ALG5: variants seen among roughly 807,000 people sequenced by gnomAD.
ALG5 encodes the protein ALG5 dolichyl-phosphate beta-glucosyltransferase.
Under a neutral mutation model 51.8 loss-of-function variants are expected in ALG5, and 26 were observed. The ratio of observed to expected loss-of-function variants is 0.50; its 90% CI spans 0.37 to 0.70. ALG5 has a LOEUF of 0.70. ALG5 is among the 30% of genes least tolerant of loss of function. The pLI, the probability that ALG5 is intolerant of heterozygous loss-of-function variation, is 0.00. For missense variants in ALG5, 311 were observed against 399.3 expected, an observed-to-expected ratio of 0.78 and a Z score of 1.88; for synonymous variants, 141 against 136.1, an observed-to-expected ratio of 1.04 and a Z score of -0.25.
intron 8 of ALG5, among the ~76,000 whole-genome samples, chr13:36,964,187 A>G (rs1367760533): frequency 1.3e-5 from 2 of 152,136 alleles, no homozygotes; most frequent in Non-Finnish European, 2.9e-5. Context: ...GGAAGATCTG[A>G]AGGAGAAGGT....
At chr13:36,995,997 T>C (rs2059048369) in intron 1 of ALG5, among the ~76,000 whole-genome samples, 2 of 152,256 alleles carry the variant, frequency 1.3e-5, no homozygotes, top group South Asian at 4.1e-4. Context: ...CTATCGCTAC[T>C]TGGAATCTAT....
rs371725601 is a variant in ALG5, at chr13:36,992,725, C to T, written c.354+879G>A. Among the ~76,000 whole-genome samples, 30 of 152,294 alleles carry T rather than the reference C, an allele frequency of 2.0e-4. No homozygotes were observed. In the East Asian group the frequency reaches 2.3e-3, roughly 12 times the overall value. ...TACCTTGTGCCCCCTTGGTCTGAAA[C>T]GCCTCAAGAACAAGAGCCGTATCTA... On this transcript the variant is annotated intron_variant, in intron 4 of 9. Transcript: ENST00000239891.
chr13:36,994,847 A>G, intron 3 of ALG5, 142 bp downstream of exon 3: 1 of 684,954 alleles, frequency 1.5e-6, no homozygotes. Flanking sequence ...GCTTATGGAT[A>G]GCAACAAGCA....
chr13:36,977,021 T>C (rs1361006119), intron 6 of ALG5, among the ~76,000 whole-genome samples: 1 of 152,218 alleles, frequency 6.6e-6, no homozygotes, highest in East Asian at 1.9e-4. Flanking sequence ...GTAATTTAAC[T>C]AAAAACAAAT....
intron 6 of ALG5, among the ~76,000 whole-genome samples, chr13:36,977,010 T>C (rs777466217): frequency 6.6e-6 from 1 of 152,194 alleles, no homozygotes; most frequent in Admixed American, 6.5e-5. Flanking sequence ...TAAAATACCA[T>C]GTAATTTAAC....
chr13:36,968,318 G>A (rs1209201544), intron 7 of ALG5, among the ~76,000 whole-genome samples: 2 of 152,134 alleles, frequency 1.3e-5, no homozygotes, highest in Non-Finnish European at 2.9e-5. Flanking sequence ...ATGTAAACAA[G>A]AAATTAATTC....
chr13:36,950,097 A>C (rs763684684), intron 9 of ALG5, 40 bp from the exon 10 acceptor site: 1 of 1,293,400 alleles, frequency 7.7e-7, no homozygotes, highest in South Asian at 1.2e-5. Context: ...TAGCTTAAAT[A>C]AACTCAGCAG....
chr13:36,965,503 G>C, intron 8 of ALG5, 72 bp downstream of exon 8: 1 of 1,418,300 alleles, frequency 7.1e-7, no homozygotes, highest in South Asian at 1.3e-5. Flanking sequence ...TAAATATACA[G>C]GGCTGTTTCT....
rs746649079 is a variant in ALG5 at position 36,999,291 on chromosome 13, G to T, written c.10C>A (p.Leu4Ile). 4 of 1,577,746 alleles carry T rather than the reference G, an allele frequency of 2.5e-6. No homozygotes were observed. The African/African-American group carries it at 5.6e-5, about 22-fold the overall frequency. Residue 4 changes from leucine to isoleucine, a missense_variant, in exon 1 of 10, where the codon CTT becomes ATT. Leu to Ile is a conservative substitution (Grantham distance 5). Transcript: ENST00000239891. The part of the protein sequence containing the change: MAP[L>I]LLQLAVLGAA... ...CCGAGCACCGCCAGCTGCAACAGAAGCGGAGCCATTCTCCATGCCGTGGCA... is the reference window on the plus strand; with the variant it reads ...CCGAGCACCGCCAGCTGCAACAGAATCGGAGCCATTCTCCATGCCGTGGCA...
intron 3 of ALG5, among the ~76,000 whole-genome samples, 195 bp downstream of exon 3, chr13:36,994,794 T>TG (rs1192025983): frequency 6.6e-6 from 1 of 151,984 alleles, no homozygotes; most frequent in African/African-American, 2.4e-5. Context: ...TGGTTTGTCC[T>TG]GGGTCAACGA....
At chr13:36,997,466 C>CAAAAAAAAAAAAAAAAAAAAACAAAAAA (rs2059056425) in intron 1 of ALG5, among the ~76,000 whole-genome samples, 1 of 78,130 alleles carries the variant, frequency 1.3e-5, no homozygotes, top group Non-Finnish European at 2.4e-5. Flanking sequence ...GACTCCGTCT[C>CAAAAAAAAAAAAAAAAAAAAACAAAAAA]AAAAAAAAAA....
chr13:36,978,068 A>G (rs1215313597), intron 6 of ALG5, among the ~76,000 whole-genome samples: 2 of 151,198 alleles, frequency 1.3e-5, no homozygotes, highest in Non-Finnish European at 2.9e-5. Context: ...TTGTATTTTT[A>G]GTAGAGACGG....
At chr13:36,961,353 T>C (rs1268745880) in intron 8 of ALG5, among the ~76,000 whole-genome samples, 1 of 152,192 alleles carries the variant, frequency 6.6e-6, no homozygotes, top group Admixed American at 6.5e-5. Flanking sequence ...AGGCAGAGGC[T>C]GCAGTGAGCC....
intron 8 of ALG5, among the ~76,000 whole-genome samples, chr13:36,962,102 T>A (rs1201846208): frequency 6.6e-6 from 1 of 152,170 alleles, no homozygotes; most frequent in Non-Finnish European, 1.5e-5. Context: ...CCAAAAGTCT[T>A]AATTTTAGGT....
At chr13:36,982,688 T>C (rs958699999) in intron 6 of ALG5, among the ~76,000 whole-genome samples, 13 of 152,250 alleles carry the variant, frequency 8.5e-5, no homozygotes, top group African/African-American at 3.1e-4. Context: ...CTGAGAGCAA[T>C]GACTGGCTGT....
chr13:36,975,628 C>T (rs542614540), intron 6 of ALG5, among the ~76,000 whole-genome samples: 1 of 152,172 alleles, frequency 6.6e-6, no homozygotes, highest in Non-Finnish European at 1.5e-5. Context: ...ACTGAAAGAA[C>T]ATCTTTGAAT....
At chr13:36,965,894 G>T (rs2058890948) in intron 7 of ALG5, among the ~76,000 whole-genome samples, 168 bp from the exon 8 acceptor site, 1 of 152,098 alleles carries the variant, frequency 6.6e-6, no homozygotes, top group East Asian at 1.9e-4. Context: ...TAAAGAAACA[G>T]CAAGAATGCC....
intron 7 of ALG5, 82 bp downstream of exon 7, chr13:36,971,895 C>T: frequency 9.4e-7 from 1 of 1,061,656 alleles, no homozygotes; most frequent in Non-Finnish European, 1.4e-6. Context: ...ACATAAAAGC[C>T]AGTTTCTTGC....
At chr13:36,993,511 A>T in intron 4 of ALG5, 93 bp downstream of exon 4, 1 of 1,016,036 alleles carries the variant, frequency 9.8e-7, no homozygotes, top group Non-Finnish European at 1.6e-6. Flanking sequence ...GCACAGCTTT[A>T]GGGTCCCCTG....
Sources: allele counts gnomAD v4.1 joint callset (sites outside exome capture counted in the v4.1 genomes callset), GRCh38; gene constraint gnomAD v4.1.1; transcripts MANE v1.5; gene names NCBI Gene and HGNC (gene_info 2026-07-23, HGNC 2026-07-21).